The following PDZD2 variants were observed in gnomAD, a reference collection of about 807,000 sequenced individuals.
PDZD2 encodes PDZ domain-containing protein 2.
PDZD2 carries 90 observed loss-of-function variants against 220.7 expected under a neutral mutation model. That is an observed-to-expected ratio of 0.41 (90% CI 0.34 to 0.49). The LOEUF (loss-of-function observed/expected upper bound fraction) is 0.49, where lower values mean the gene tolerates loss of function less well. PDZD2 is among the 20% of genes least tolerant of loss of function. The pLI, the probability that PDZD2 is intolerant of heterozygous loss-of-function variation, is 0.28. For synonymous variants in PDZD2, 1,375 were observed against 1,450.5 expected (o/e 0.95, Z 1.18); for missense variants, 3,174 against 3,608.5 (o/e 0.88, Z 3.08).
chr5:31,961,189 A>G (rs1395998610), intron 2 of PDZD2, among the ~76,000 whole-genome samples: 1 of 152,074 alleles, frequency 6.6e-6, no homozygotes, highest in East Asian at 1.9e-4. Flanking sequence ...GAAAAGATCA[A>G]TGGTTGGATT....
chr5:32,006,737 T>C (rs976685460), intron 5 of PDZD2, among the ~76,000 whole-genome samples: 1 of 139,976 alleles, frequency 7.1e-6, no homozygotes, highest in African/African-American at 2.8e-5. Flanking sequence ...TCACCCAGAC[T>C]GCAGTGCGGT....
intron 1 of PDZD2, among the ~76,000 whole-genome samples, chr5:31,763,872 A>G (rs993292634): frequency 2.5e-5 from 1 of 39,250 alleles, no homozygotes; most frequent in African/African-American, 9.1e-5. Context: ...CCTCTGATTA[A>G]AAAAAAAAAA....
chr5:31,960,169 TCTTTTCTTTCCTTCCTTC>T (rs368844591), intron 2 of PDZD2, among the ~76,000 whole-genome samples: 3,491 of 152,058 alleles, frequency 0.023, 138 homozygotes, highest in African/African-American at 0.081. Context: ...TTGCTTGCTT[TCTTTTCTTTCCTTCCTTC>T]CTTTTCTTTC....
chr5:31,761,013 C>T (rs570715673), intron 1 of PDZD2, among the ~76,000 whole-genome samples: 6 of 152,002 alleles, frequency 3.9e-5, no homozygotes, highest in South Asian at 4.2e-4. Context: ...AACAGTCAGG[C>T]GGAAGCTCTA....
At chr5:31,806,946 T>C (rs1008527902) in intron 2 of PDZD2, among the ~76,000 whole-genome samples, 1 of 151,352 alleles carries the variant, frequency 6.6e-6, no homozygotes, top group Non-Finnish European at 1.5e-5. Context: ...TTTTTTTTTT[T>C]TTTTTAAGAC....
intron 6 of PDZD2, among the ~76,000 whole-genome samples, chr5:32,032,399 G>A (rs1755194287): frequency 1.3e-5 from 2 of 152,074 alleles, no homozygotes; most frequent in African/African-American, 2.4e-5. Flanking sequence ...TGGCCACGTC[G>A]GTCACTTTCA....
At chr5:31,964,497 G>T (rs1002776457) in intron 2 of PDZD2, among the ~76,000 whole-genome samples, 7 of 151,954 alleles carry the variant, frequency 4.6e-5, no homozygotes, top group Admixed American at 1.3e-4. Context: ...TTTTTTTGTT[G>T]TTTTTTTCCC....
chr5:32,096,389 C>T (rs1421066072), intron 21 of PDZD2, among the ~76,000 whole-genome samples: 5 of 152,126 alleles, frequency 3.3e-5, no homozygotes, highest in Admixed American at 2.0e-4. Context: ...ATGATCTCCA[C>T]TCACTGCAAC....
intron 1 of PDZD2, among the ~76,000 whole-genome samples, chr5:31,694,744 C>CCT (rs1554063881): frequency 1.4e-5 from 2 of 143,842 alleles, no homozygotes; most frequent in Non-Finnish European, 3.0e-5. Context: ...CAATAAATGC[C>CCT]TTTTTTTTTT....
At chr5:31,996,015 A>G (rs969472973) in intron 4 of PDZD2, among the ~76,000 whole-genome samples, 5 of 152,198 alleles carry the variant, frequency 3.3e-5, no homozygotes, top group African/African-American at 1.2e-4. Flanking sequence ...TAACTTGCTG[A>G]GATGATATGA....
At chr5:31,708,990 C>T (rs926356805) in intron 1 of PDZD2, among the ~76,000 whole-genome samples, 3 of 151,658 alleles carry the variant, frequency 2.0e-5, no homozygotes, top group Non-Finnish European at 2.9e-5. Context: ...CGGGTTCAAG[C>T]GATTCTCCTG....
intron 2 of PDZD2, among the ~76,000 whole-genome samples, chr5:31,977,070 C>A (rs950069863): frequency 3.3e-5 from 5 of 150,828 alleles, no homozygotes; most frequent in African/African-American, 1.2e-4. Context: ...GTTGCCCAGG[C>A]TGGTCTTGAA....
chr5:31,855,058 G>T, intron 2 of PDZD2: 1 of 985,450 alleles, frequency 1.0e-6, no homozygotes, highest in Non-Finnish European at 1.2e-6. Context: ...AGCTGCCCCG[G>T]GGGCGCGGAG....
intron 1 of PDZD2, among the ~76,000 whole-genome samples, chr5:31,675,981 C>T (rs1439591465): frequency 3.9e-5 from 6 of 152,170 alleles, no homozygotes; most frequent in Non-Finnish European, 7.4e-5. Context: ...GGATTACAGG[C>T]GTGAGCCACC....
chr5:31,873,617 T>C (rs1739033978), intron 2 of PDZD2, among the ~76,000 whole-genome samples: 1 of 151,660 alleles, frequency 6.6e-6, no homozygotes, highest in South Asian at 2.1e-4. Flanking sequence ...CCCAGGCTGG[T>C]TTCAAATTCC....
intron 18 of PDZD2, among the ~76,000 whole-genome samples, chr5:32,075,057 CT>C: frequency 6.6e-6 from 1 of 152,168 alleles, no homozygotes; most frequent in East Asian, 1.9e-4. Context: ...GGTGATCCAC[CT>C]GCCTCGGCCT....
intron 1 of PDZD2, among the ~76,000 whole-genome samples, chr5:31,720,992 A>G (rs1001378725): frequency 2.0e-5 from 3 of 152,154 alleles, no homozygotes; most frequent in Non-Finnish European, 2.9e-5. Flanking sequence ...TGGTGGGGGA[A>G]AACGAGAGAG....
intron 2 of PDZD2, among the ~76,000 whole-genome samples, chr5:31,867,429 C>G (rs534882103): frequency 1.3e-5 from 2 of 152,228 alleles, no homozygotes; most frequent in South Asian, 2.1e-4. Context: ...GTTTTTGGAG[C>G]CAGAGCCTCA....
At chr5:31,800,284 T>A in intron 2 of PDZD2, among the ~76,000 whole-genome samples, 1 of 152,014 alleles carries the variant, frequency 6.6e-6, no homozygotes, top group South Asian at 2.1e-4. Context: ...GAGAGTAGAG[T>A]CCGTGGAGAC....
Sources: gnomAD v4.1 joint callset for allele counts (sites outside exome capture counted in the v4.1 genomes callset) on GRCh38, gnomAD v4.1.1 for gene constraint, MANE v1.5 for transcripts, NCBI Gene and HGNC (gene_info 2026-07-23, HGNC 2026-07-21) for gene names.